NRF1: variants seen among roughly 807,000 people sequenced by gnomAD.
The protein encoded by NRF1 is nuclear respiratory factor 1.
NRF1 carries 5 observed loss-of-function variants against 58.5 expected under a neutral mutation model. The ratio of observed to expected loss-of-function variants is 0.09; its 90% CI spans 0.04 to 0.18. The LOEUF (loss-of-function observed/expected upper bound fraction) is 0.18, where lower values mean the gene tolerates loss of function less well. Among genes scored for constraint, NRF1 ranks in the 10% least tolerant of loss-of-function variants. The probability of loss-of-function intolerance (pLI) is 1.00; values close to 1 mark genes in which losing one functional copy is unlikely to be tolerated. For missense variants in NRF1, 288 were observed against 657.7 expected (o/e 0.44, Z 6.15); for synonymous variants, 224 against 246.7 (o/e 0.91, Z 0.86).
chr7:129,673,329 C>T (rs993799512), intron 3 of NRF1, among the ~76,000 whole-genome samples: 5 of 152,224 alleles, frequency 3.3e-5, no homozygotes, highest in Middle Eastern at 3.4e-3. Flanking sequence ...GGTCCTTTGC[C>T]CACCACATTT....
rs1584586929 is a variant in NRF1 at position 129,628,605 on chromosome 7, T to G, written c.-7+16781T>G. On this transcript the variant is annotated intron_variant, in intron 1 of 10. Transcript: ENST00000393232. ...GGCTTAAGAGAAGACAGCTGAAGTC[T>G]CATCTGCTTTTGCACTCAGTCTGCT... 1.3e-5 allele frequency among the ~76,000 whole-genome samples: 2 copies of G among 152,334 alleles called. 1 individual carries two copies. Among genetic ancestry groups the G allele is most frequent in the South Asian group, 4.1e-4 (2 of 4,834 alleles).
intron 10 of NRF1, among the ~76,000 whole-genome samples, chr7:129,751,882 A>T (rs1804124419): frequency 6.7e-6 from 1 of 149,596 alleles, no homozygotes. Flanking sequence ...CCTGATCGTG[A>T]TAGGAGGAGG....
intron 10 of NRF1, among the ~76,000 whole-genome samples, chr7:129,740,540 C>T (rs914727291): frequency 1.3e-5 from 2 of 152,194 alleles, no homozygotes; most frequent in Admixed American, 1.3e-4. Context: ...ATTCTCTTCT[C>T]TAGAATTACC....
chr7:129,616,044 T>C (rs1800652045), intron 1 of NRF1, among the ~76,000 whole-genome samples: 2 of 152,162 alleles, frequency 1.3e-5, no homozygotes, highest in African/African-American at 4.8e-5. Flanking sequence ...CCTTAGAATA[T>C]ATATATATAC....
intron 1 of NRF1, among the ~76,000 whole-genome samples, chr7:129,618,284 G>T (rs1800697316): frequency 6.6e-6 from 1 of 152,210 alleles, no homozygotes; most frequent in Non-Finnish European, 1.5e-5. Context: ...GACTCCAGAT[G>T]TGTTAAGATA....
At chr7:129,680,142 A>G (rs567975095) in intron 4 of NRF1, among the ~76,000 whole-genome samples, 1 of 152,332 alleles carries the variant, frequency 6.6e-6, no homozygotes, top group Non-Finnish European at 1.5e-5. Context: ...AATGTCCAAC[A>G]AGCACATGAG....
At chr7:129,731,414 G>A (rs1403954856) in intron 10 of NRF1, among the ~76,000 whole-genome samples, 2 of 151,964 alleles carry the variant, frequency 1.3e-5, no homozygotes, top group Non-Finnish European at 2.9e-5. Context: ...ACACTACCCC[G>A]ACACTAAAGG....
chr7:129,653,280 A>T (rs1801578168), intron 1 of NRF1, among the ~76,000 whole-genome samples: 1 of 152,206 alleles, frequency 6.6e-6, no homozygotes, highest in Admixed American at 6.5e-5. Flanking sequence ...ATTGGTTTTA[A>T]ATAAAACTGT....
chr7:129,672,642 T>C (rs1471509884), intron 3 of NRF1, among the ~76,000 whole-genome samples: 1 of 152,178 alleles, frequency 6.6e-6, no homozygotes, highest in Non-Finnish European at 1.5e-5. Context: ...TCATGATTCA[T>C]TGACATGGAG....
Position 129,717,183 on chromosome 7 carries a change from CTTTG to C in NRF1, c.1066-32_1066-29del, listed in dbSNP as rs1446678663. 2.6e-6 allele frequency: 4 copies of C among 1,547,086 alleles called. No homozygotes were observed. The African/African-American group carries it at 4.2e-5, about 16-fold the overall frequency. Reference sequence around the variant, plus strand: ...TACTTGTAAAATTGTACTTTTGTGGCTTTGTTTTTTTACTATCTTGTCCTTTCTG... The same window carrying C: ...TACTTGTAAAATTGTACTTTTGTGGCTTTTTTTACTATCTTGTCCTTTCTG... On this transcript the variant is annotated intron_variant, in intron 8 of 10. Transcript: ENST00000393232.
intron 10 of NRF1, among the ~76,000 whole-genome samples, chr7:129,750,534 A>C (rs1025673353): frequency 6.6e-6 from 1 of 152,194 alleles, no homozygotes; most frequent in Non-Finnish European, 1.5e-5. Context: ...AGGTGGCAGT[A>C]GACAGAAACT....
chr7:129,675,525 G>GA (rs1802157265), intron 3 of NRF1, among the ~76,000 whole-genome samples: 1 of 152,174 alleles, frequency 6.6e-6, no homozygotes, highest in African/African-American at 2.4e-5. Flanking sequence ...CCTGAATGTT[G>GA]AAATGACTCC....
At chr7:129,695,120 A>G (rs1802657336) in intron 5 of NRF1, among the ~76,000 whole-genome samples, 1 of 152,144 alleles carries the variant, frequency 6.6e-6, no homozygotes, top group East Asian at 1.9e-4. Flanking sequence ...TTTTTTATAT[A>G]CTGTAATTTG....
At position 129,683,685 on chromosome 7, in the gene NRF1, A is replaced by G. The variant is rs528220108; in HGVS notation, c.465+5927A>G. Among the ~76,000 whole-genome samples the G allele has an allele frequency of 1.5e-4, 21 of 140,610 alleles. No individual in the cohort carries two copies. In the East Asian group the frequency reaches 4.2e-3, roughly 28 times the overall value. 92.2% of individuals were successfully genotyped at this position (140,610 alleles called of 152,430 possible). On this transcript the variant is annotated intron_variant, in intron 4 of 10. Coordinates refer to ENST00000393232, the MANE Select transcript of NRF1 (RefSeq NM_005011.5). Reference sequence around the variant, plus strand: ...AGTCTCACTCTATCACCCAGGCTAGAGTGCAGTGGTGCGATCTCGGCTCAC... The same window carrying G: ...AGTCTCACTCTATCACCCAGGCTAGGGTGCAGTGGTGCGATCTCGGCTCAC...
At chr7:129,662,431 G>A (rs1278589201) in intron 2 of NRF1, among the ~76,000 whole-genome samples, 1 of 144,012 alleles carries the variant, frequency 6.9e-6, no homozygotes, top group African/African-American at 2.6e-5. Context: ...TGTTTCCTCC[G>A]AGATTTGCAC....
At position 129,657,327 on chromosome 7, in the gene NRF1, C is replaced by A; in HGVS notation, c.-6-19C>A. On this transcript the variant is annotated intron_variant, in intron 1 of 10. Coordinates refer to ENST00000393232, the MANE Select transcript of NRF1 (RefSeq NM_005011.5). ...TTACACACTGAATCCTGTTCTTTTTCTTTTTTGTCTGACAGTAGAACTTCA... is the reference window on the plus strand; with the variant it reads ...TTACACACTGAATCCTGTTCTTTTTATTTTTTGTCTGACAGTAGAACTTCA... 6.4e-7 allele frequency: 1 copy of A among 1,551,398 alleles called. No homozygotes were observed. The highest frequency in any genetic ancestry group is 2.2e-5 in the East Asian group (1 of 44,462).
intron 4 of NRF1, among the ~76,000 whole-genome samples, chr7:129,689,639 C>T (rs1802518304): frequency 6.6e-6 from 1 of 152,182 alleles, no homozygotes; most frequent in African/African-American, 2.4e-5. Flanking sequence ...GTGTGCATGT[C>T]CAGTGTGTTA....
At chr7:129,720,099 G>A (rs2116227189) in intron 9 of NRF1, among the ~76,000 whole-genome samples, 1 of 152,306 alleles carries the variant, frequency 6.6e-6, no homozygotes, top group Middle Eastern at 3.4e-3. Flanking sequence ...AAAGGAAGGA[G>A]AATGTGTTCA....
intron 1 of NRF1, among the ~76,000 whole-genome samples, chr7:129,628,193 G>A (rs553787014): frequency 4.0e-5 from 6 of 151,258 alleles, no homozygotes; most frequent in Middle Eastern, 6.8e-3. Context: ...ACAGGTGCCC[G>A]CCACCACGCC....
Sources: gnomAD v4.1 joint callset for allele counts (sites outside exome capture counted in the v4.1 genomes callset) on GRCh38, gnomAD v4.1.1 for gene constraint, MANE v1.5 for transcripts, NCBI Gene and HGNC (gene_info 2026-07-23, HGNC 2026-07-21) for gene names.